Variants in THADA observed in about 807,000 individuals in gnomAD.
The protein encoded by THADA is THADA armadillo repeat containing, also known as tRNA (32-2'-O)-methyltransferase regulator THADA.
THADA carries 213 observed loss-of-function variants against 219.8 expected under a neutral mutation model. The ratio of observed to expected loss-of-function variants is 0.97; its 90% confidence interval spans 0.87 to 1.09. THADA has a LOEUF of 1.09. Among genes scored for constraint, THADA ranks in the 50% least tolerant of loss-of-function variants. The pLI is 0.00. For missense variants in THADA, 2,956 were observed against 2,311.3 expected (o/e 1.28, Z -5.72); for synonymous variants, 1,018 against 828.9 (o/e 1.23, Z -3.92).
intron 28 of THADA, among the ~76,000 whole-genome samples, chr2:43,402,936 T>C (rs1265250811): frequency 6.6e-6 from 1 of 152,218 alleles, no homozygotes; most frequent in East Asian, 1.9e-4. Flanking sequence ...TTTCCCTGTG[T>C]GAACCCAAAC....
chr2:43,321,581 T>C (rs1011962784), intron 30 of THADA, among the ~76,000 whole-genome samples: 1 of 152,236 alleles, frequency 6.6e-6, no homozygotes, highest in Admixed American at 6.5e-5. Flanking sequence ...TGAGTTTGGC[T>C]TGATTTCCTC....
chr2:43,574,486 C>T lies in THADA; in HGVS notation c.1579G>A (p.Val527Ile). 1 of 1,613,800 alleles carries T rather than the reference C, an allele frequency of 6.2e-7. No individual in the cohort carries two copies. The highest frequency in any genetic ancestry group is 8.5e-7 in the Non-Finnish European group (1 of 1,179,834). The change falls in exon 11 of 38, where the codon GTT becomes ATT. Residue 527 changes from valine to isoleucine, a missense_variant. By Grantham distance (29) the Val-to-Ile change is conservative. Coordinates refer to ENST00000405975, the MANE Select transcript of THADA (RefSeq NM_022065.5). Reference sequence around the variant, plus strand: ...CACAATATAAAAAGGAGAGGAGAAACCCAAGTCTCATGCCACTGGTCAATC... The same window carrying T: ...CACAATATAAAAAGGAGAGGAGAAATCCAAGTCTCATGCCACTGGTCAATC... ...SWIDQWHETWVSPLLFILCEG... is the reference protein window; with the variant it reads ...SWIDQWHETWISPLLFILCEG...
chr2:43,348,043 G>A (rs1438878261), intron 29 of THADA, among the ~76,000 whole-genome samples: 1 of 152,174 alleles, frequency 6.6e-6, no homozygotes, highest in Admixed American at 6.5e-5. Context: ...CAAGAGGAGG[G>A]GAGGGTTGAA....
In THADA at chr2:43,292,164, C is replaced by T; in HGVS notation, c.4877G>A (p.Cys1626Tyr). ...PGEWLPQTEH[C>Y]VHLTPKEFLI... ...GAACTCCTTTGGGGTCAGATGGACACAGTGCTCCGTCTGGGGAAGCCACTC... is the reference window on the plus strand; with the variant it reads ...GAACTCCTTTGGGGTCAGATGGACATAGTGCTCCGTCTGGGGAAGCCACTC... Residue 1626 changes from cysteine (C) to tyrosine (Y), a missense_variant, in exon 33 of 38, where the codon TGT (cysteine) becomes TAT (tyrosine). Transcript: ENST00000405975. 1 of 1,612,388 alleles carries T rather than the reference C, an allele frequency of 6.2e-7. No homozygotes were observed. Among genetic ancestry groups the T allele is most frequent in the Non-Finnish European group, 8.5e-7 (1 of 1,179,300 alleles).
chr2:43,281,239 A>T (rs1673320515), intron 35 of THADA, among the ~76,000 whole-genome samples: 1 of 152,062 alleles, frequency 6.6e-6, no homozygotes, highest in Non-Finnish European at 1.5e-5. Flanking sequence ...TTCATTACAG[A>T]TCTGATTTAA....
intron 25 of THADA, among the ~76,000 whole-genome samples, chr2:43,498,347 T>C (rs191333701): frequency 1.3e-5 from 2 of 152,308 alleles, no homozygotes; most frequent in East Asian, 1.9e-4. Flanking sequence ...TGCCACTGCA[T>C]TGTATATACT....
intron 15 of THADA, among the ~76,000 whole-genome samples, chr2:43,561,040 C>CAAAAAAAAAAAAAAAAAAAAAAAAAAAA (rs1698003974): frequency 7.2e-6 from 1 of 138,498 alleles, no homozygotes. Context: ...AAAAAAAAAG[C>CAAAAAAAAAAAAAAAAAAAAAAAAAAAA]AAAGTCCTAC....
chr2:43,364,079 A>T (rs550748338), intron 29 of THADA, among the ~76,000 whole-genome samples: 5,275 of 151,912 alleles, frequency 0.035, 237 homozygotes, highest in African/African-American at 0.1. Flanking sequence ...AAAAAATTAT[A>T]TGGGTGTGAC....
At chr2:43,305,559 A>AGT (rs1265342522) in intron 31 of THADA, among the ~76,000 whole-genome samples, 1 of 152,148 alleles carries the variant, frequency 6.6e-6, no homozygotes, top group African/African-American at 2.4e-5. Flanking sequence ...GTATTTTTCA[A>AGT]GTGTAGGATT....
At chr2:43,586,299 G>C in intron 7 of THADA, 102 bp downstream of exon 7, 2 of 954,816 alleles carry the variant, frequency 2.1e-6, no homozygotes, top group East Asian at 2.9e-5. Context: ...TTAATGAAAA[G>C]GGATGAAAAG....
chr2:43,491,069 TG>T (rs1687572630), intron 25 of THADA, among the ~76,000 whole-genome samples: 1 of 152,174 alleles, frequency 6.6e-6, no homozygotes, highest in Non-Finnish European at 1.5e-5. Context: ...ACAGTATGAA[TG>T]GTTCAAGGAT....
chr2:43,338,002 TGGG>T (rs1411660954), intron 30 of THADA, among the ~76,000 whole-genome samples: 1 of 152,178 alleles, frequency 6.6e-6, no homozygotes, highest in Non-Finnish European at 1.5e-5. Context: ...AGATGAATGA[TGGG>T]GTATATTTTC....
intron 31 of THADA, among the ~76,000 whole-genome samples, chr2:43,311,835 T>A (rs1191191911): frequency 6.6e-6 from 1 of 152,214 alleles, no homozygotes; most frequent in African/African-American, 2.4e-5. Flanking sequence ...TTAACTGACA[T>A]GGGCAACTAC....
chr2:43,238,825 A>G (rs17030600), intron 36 of THADA, among the ~76,000 whole-genome samples: 4,491 of 152,326 alleles, frequency 0.029, 234 homozygotes, highest in African/African-American at 0.1. Context: ...GGAAGGTAAG[A>G]CAAACACCCA....
At chr2:43,366,070 C>T (rs78511686) in intron 29 of THADA, among the ~76,000 whole-genome samples, 165 of 152,330 alleles carry the variant, frequency 1.1e-3, no homozygotes, top group African/African-American at 3.9e-3. Flanking sequence ...GAGACAGTAT[C>T]TTTGTGTCAC....
intron 29 of THADA, among the ~76,000 whole-genome samples, chr2:43,349,496 A>G (rs1420042292): frequency 6.6e-6 from 1 of 152,230 alleles, no homozygotes; most frequent in East Asian, 1.9e-4. Flanking sequence ...CTGGACTAAA[A>G]TAGCAACTTG....
chr2:43,370,440 A>G (rs1670666227), intron 29 of THADA, among the ~76,000 whole-genome samples: 1 of 152,172 alleles, frequency 6.6e-6, no homozygotes, highest in Non-Finnish European at 1.5e-5. Flanking sequence ...ATACAGCAAC[A>G]CCGTTCTCAC....
Position 43,572,918 on chromosome 2 carries a change from G to A in THADA, c.1804C>T (p.Arg602Ter), listed in dbSNP as rs766368134. 6 of 1,613,742 alleles carry A rather than the reference G, an allele frequency of 3.7e-6. No individual in the cohort carries two copies. In the South Asian group the frequency reaches 4.4e-5, roughly 12 times the overall value. Residue 602 changes from arginine (R) to a stop codon, truncating the protein, a stop_gained, in exon 12 of 38, where the codon CGA (arginine) becomes TGA (stop). Transcript: ENST00000405975. LOFTEE classifies it high-confidence loss of function. ...GALGALMACL[R>*]IARAHGHLQS... is the part of the protein sequence containing the mutation. Reference sequence around the variant, plus strand: ...AGATGTCCATGAGCTCTAGCTATTCGCAGACATGCCATCAAAGCTCCCAGA... The same window carrying A: ...AGATGTCCATGAGCTCTAGCTATTCACAGACATGCCATCAAAGCTCCCAGA...
At chr2:43,342,323 T>C (rs1667151329) in intron 30 of THADA, among the ~76,000 whole-genome samples, 1 of 152,224 alleles carries the variant, frequency 6.6e-6, no homozygotes, top group Non-Finnish European at 1.5e-5. Context: ...TCCAAAGCTA[T>C]TAATGTTGAG....
Sources: allele counts gnomAD v4.1 joint callset (sites outside exome capture counted in the v4.1 genomes callset), GRCh38; gene constraint gnomAD v4.1.1; transcripts MANE v1.5; gene names NCBI Gene and HGNC (gene_info 2026-07-23, HGNC 2026-07-21).